Variants in ESRRG observed in about 807,000 individuals in gnomAD.
ESRRG encodes the protein estrogen related receptor gamma.
In ESRRG, 13 loss-of-function variants were observed where a neutral mutation model predicts 44.0. That is an observed-to-expected ratio of 0.30 (90% CI 0.19 to 0.47). The LOEUF (loss-of-function observed/expected upper bound fraction) is 0.47, where lower values mean the gene tolerates loss of function less well. ESRRG is among the 20% of genes least tolerant of loss of function. The pLI, the probability that ESRRG is intolerant of heterozygous loss-of-function variation, is 1.00. For synonymous variants in ESRRG, 215 were observed against 214.6 expected, an observed-to-expected ratio of 1.00 and a Z score of -0.02; for missense variants, 395 against 580.6, an observed-to-expected ratio of 0.68 and a Z score of 3.29.
intron 1 of ESRRG, among the ~76,000 whole-genome samples, chr1:217,027,051 A>G (rs570337497): frequency 6.6e-6 from 1 of 152,204 alleles, no homozygotes; most frequent in East Asian, 1.9e-4. Context: ...CAAGTCCCCC[A>G]AGATTGGCTG....
chr1:217,016,140 T>C (rs1033201069), intron 1 of ESRRG, among the ~76,000 whole-genome samples: 2 of 152,020 alleles, frequency 1.3e-5, no homozygotes, highest in African/African-American at 4.8e-5. Flanking sequence ...CGAGTGATAG[T>C]GTGAGAATAA....
At chr1:216,530,971 A>G (rs1399218930) in intron 5 of ESRRG, among the ~76,000 whole-genome samples, 1 of 152,170 alleles carries the variant, frequency 6.6e-6, no homozygotes, top group African/African-American at 2.4e-5. Context: ...CAATTTTCCT[A>G]AAATAGAAAC....
At chr1:216,863,564 G>T (rs1292670764) in intron 2 of ESRRG, 1 of 152,098 alleles carries the variant, frequency 6.6e-6, no homozygotes, top group African/African-American at 2.4e-5. Flanking sequence ...TAGGGCAAGG[G>T]TATAGTCCAA....
chr1:216,562,651 A>G (rs1344859018), intron 5 of ESRRG, among the ~76,000 whole-genome samples: 3 of 152,030 alleles, frequency 2.0e-5, no homozygotes, highest in Non-Finnish European at 4.4e-5. Flanking sequence ...CCTCATGACA[A>G]TTATCTCGTC....
chr1:216,549,762 TG>T (rs966637592), intron 5 of ESRRG, among the ~76,000 whole-genome samples: 19 of 152,166 alleles, frequency 1.2e-4, no homozygotes, highest in African/African-American at 4.6e-4. Context: ...ATAAAGTTTT[TG>T]TTCACATTTT....
At chr1:216,547,631 T>C (rs1043568671) in intron 5 of ESRRG, among the ~76,000 whole-genome samples, 2 of 152,096 alleles carry the variant, frequency 1.3e-5, no homozygotes, top group African/African-American at 4.8e-5. Flanking sequence ...TTCTTCAAGC[T>C]GAAAGCCAGG....
chr1:217,121,216 T>G (rs1164764265), intron 1 of ESRRG, among the ~76,000 whole-genome samples: 1 of 151,718 alleles, frequency 6.6e-6, no homozygotes, highest in African/African-American at 2.4e-5. Context: ...CTGAAATCGC[T>G]CAGTATAACC....
At chr1:216,654,779 T>A (rs2070011750) in intron 2 of ESRRG, among the ~76,000 whole-genome samples, 1 of 151,544 alleles carries the variant, frequency 6.6e-6, no homozygotes. Context: ...GAGGAAATCA[T>A]AAAGGAAATT....
chr1:216,983,920 T>C (rs1382810590), intron 1 of ESRRG, among the ~76,000 whole-genome samples: 1 of 152,020 alleles, frequency 6.6e-6, no homozygotes, highest in Non-Finnish European at 1.5e-5. Flanking sequence ...CTCCTCCATT[T>C]GGTGAAATAT....
intron 2 of ESRRG, among the ~76,000 whole-genome samples, chr1:216,760,700 A>C (rs2092720984): frequency 6.6e-6 from 1 of 152,124 alleles, no homozygotes; most frequent in Non-Finnish European, 1.5e-5. Flanking sequence ...GGGAGGCTTA[A>C]GCAGAGGGAT....
At chr1:217,078,966 T>C (rs2091539275) in intron 1 of ESRRG, among the ~76,000 whole-genome samples, 2 of 152,164 alleles carry the variant, frequency 1.3e-5, no homozygotes. Flanking sequence ...GAACCAACTG[T>C]TGTAATGAGC....
At chr1:216,977,337 T>TACACACACAC (rs1166553968) in intron 1 of ESRRG, among the ~76,000 whole-genome samples, 35 of 55,284 alleles carry the variant, frequency 6.3e-4, no homozygotes, top group African/African-American at 3.1e-3. Flanking sequence ...CCAAGGAGGA[T>TACACACACAC]ACATACACAC....
chr1:216,859,022 T>C (rs2096003997), intron 2 of ESRRG, among the ~76,000 whole-genome samples: 1 of 152,146 alleles, frequency 6.6e-6, no homozygotes, highest in Non-Finnish European at 1.5e-5. Context: ...TTTAGAAAAA[T>C]ATTCAATAAA....
chr1:216,797,193 T>C lies in ESRRG; in HGVS notation c.-13-119702A>G, dbSNP rs150456433. Among the ~76,000 whole-genome samples the C allele has an allele frequency of 4.3e-3, 657 of 152,280 alleles. 4 individuals are homozygous for C. The highest frequency in any genetic ancestry group is 0.015 in the African/African-American group (623 of 41,562). On this transcript the variant is annotated intron_variant, in intron 2 of 7. Coordinates refer to the ESRRG transcript ENST00000359162. ...GTGTGAGCCACCGTGCGCGGCCTCC[T>C]ATTGTTAACATCTCGCATTAGGATA...
In ESRRG at chr1:216,564,397, G is replaced by C. The variant is rs2059312471; in HGVS notation, c.701-17C>G. On this transcript the variant is annotated splice_polypyrimidine_tract_variant and intron_variant, in intron 4 of 6. Coordinates refer to ENST00000408911, the MANE Select transcript of ESRRG (RefSeq NM_001438.4). ...TCTTGTTATCTGCAGGATCAGACCA[G>C]AGCACTACAAGATCACTAGTAGTAT... The C allele has an allele frequency of 1.9e-6, 3 of 1,591,670 alleles. No homozygotes were observed. The highest frequency in any genetic ancestry group is 1.1e-5 in the South Asian group (1 of 87,452).
At chr1:216,534,156 G>A (rs2050207853) in intron 5 of ESRRG, among the ~76,000 whole-genome samples, 1 of 152,146 alleles carries the variant, frequency 6.6e-6, no homozygotes, top group Non-Finnish European at 1.5e-5. Context: ...CTTGGGAAAG[G>A]TAGTTGCTCC....
intron 2 of ESRRG, among the ~76,000 whole-genome samples, chr1:216,921,130 T>C (rs1006379471): frequency 1.3e-5 from 2 of 152,160 alleles, no homozygotes; most frequent in Non-Finnish European, 2.9e-5. Flanking sequence ...GAGTATATCA[T>C]CTAAAAAATA....
In ESRRG at chr1:216,976,480, G is replaced by A. The variant is rs147808421; in HGVS notation, c.-105-36807C>T. Among the ~76,000 whole-genome samples, 547 of 152,226 alleles carry A rather than the reference G, an allele frequency of 3.6e-3. 5 individuals carry two copies. Among genetic ancestry groups the A allele is most frequent in the African/African-American group, 0.012 (506 of 41,570 alleles). ...CTAAACCATGTCTGTGCTGTTGGCT[G>A]TTTTATTAAGTTTACCTTCAGCAGA... On this transcript the variant is annotated intron_variant, in intron 1 of 7. Coordinates refer to the ESRRG transcript ENST00000359162.
rs575396496 is a variant in ESRRG at position 216,683,441 on chromosome 1, C to A, written c.57-5950G>T. 5.3e-5 allele frequency among the ~76,000 whole-genome samples: 8 copies of A among 152,272 alleles called. No homozygotes were observed. In the South Asian group the frequency reaches 1.7e-3, roughly 32 times the overall value. Reference sequence around the variant, plus strand: ...TAATGCTGCTTCTTGATTCTTTGAACAAATAACTTGTGCATTTAGTTCAAA... The same window carrying A: ...TAATGCTGCTTCTTGATTCTTTGAAAAAATAACTTGTGCATTTAGTTCAAA... On this transcript the variant is annotated intron_variant, in intron 1 of 6. Transcript: ENST00000408911.
Sources: gnomAD v4.1 joint callset for allele counts (sites outside exome capture counted in the v4.1 genomes callset) on GRCh38, gnomAD v4.1.1 for gene constraint, MANE v1.5 for transcripts, NCBI Gene and HGNC (gene_info 2026-07-23, HGNC 2026-07-21) for gene names.